Variants in ORC4 observed in about 807,000 individuals in gnomAD.
ORC4 encodes the protein origin recognition complex, subunit 4 homolog.
A neutral mutation model predicts 63.9 loss-of-function variants in ORC4; 55 were observed. That is an observed-to-expected ratio of 0.86 (90% CI 0.69 to 1.08). The LOEUF (loss-of-function observed/expected upper bound fraction) is 1.08. ORC4 is among the 50% of genes least tolerant of loss of function. The pLI is 0.00. For missense variants in ORC4, 511 were observed against 504.4 expected (o/e 1.01, Z -0.13); for synonymous variants, 150 against 168.5 (o/e 0.89, Z 0.85).
chr2:147,948,268 T>C (rs747355598), intron 8 of ORC4, 44 bp from the exon 9 acceptor site: 4 of 1,386,468 alleles, frequency 2.9e-6, no homozygotes, highest in South Asian at 2.4e-5. Context: ...TGAATGTTTT[T>C]AAAAAAACAA....
At chr2:147,953,403 A>G (rs570740624) in intron 7 of ORC4, among the ~76,000 whole-genome samples, 1 of 152,316 alleles carries the variant, frequency 6.6e-6, no homozygotes, top group East Asian at 1.9e-4. Context: ...TATTATTTTT[A>G]TAATTACGTA....
Position 148,013,071 on chromosome 2 carries a change from A to T in ORC4, c.-18+7562T>A, listed in dbSNP as rs150429153. Reference sequence around the variant, plus strand: ...CAACAAATAGAACTATAATCCAGCAATCCCACTACTGTGTATATACCCAAG... The same window carrying T: ...CAACAAATAGAACTATAATCCAGCATTCCCACTACTGTGTATATACCCAAG... On this transcript the variant is annotated intron_variant, in intron 1 of 13. Coordinates refer to ENST00000392857, the MANE Select transcript of ORC4 (RefSeq NM_181741.4). Among the ~76,000 whole-genome samples, 685 of 152,280 alleles carry T rather than the reference A, an allele frequency of 4.5e-3. 4 individuals carry two copies. The highest frequency in any genetic ancestry group is 7.2e-3 in the Non-Finnish European group (492 of 68,002).
At chr2:147,946,570 C>G (rs1688667743) in intron 9 of ORC4, among the ~76,000 whole-genome samples, 2 of 151,962 alleles carry the variant, frequency 1.3e-5, no homozygotes, top group Admixed American at 6.6e-5. Context: ...GAAATAGTAT[C>G]AAAGACACTT....
chr2:147,938,068 T>C, intron 13 of ORC4, 78 bp downstream of exon 13: 1 of 915,262 alleles, frequency 1.1e-6, no homozygotes, highest in Non-Finnish European at 1.8e-6. Flanking sequence ...AAAATGAAAG[T>C]GCAATTTTAA....
intron 1 of ORC4, among the ~76,000 whole-genome samples, chr2:148,012,319 T>C (rs971619607): frequency 6.6e-6 from 1 of 152,182 alleles, no homozygotes; most frequent in African/African-American, 2.4e-5. Context: ...CAATTAGTTT[T>C]TTACTAAGGT....
rs1334739527 is a variant in ORC4 at position 147,931,606 on chromosome 2, C to T, written c.*3904G>A. ...AGCAGCACATCAAAAAGCTTATCCA[C>T]CATGATCAAGTGGGCTTCATCCCTG... On this transcript the variant is annotated 3_prime_UTR_variant, in exon 14 of 14. Transcript: ENST00000392857. 6.6e-6 allele frequency: 1 copy of T among 152,164 alleles called. No individual in the cohort carries two copies. Among genetic ancestry groups the T allele is most frequent in the African/African-American group, 2.4e-5 (1 of 41,428 alleles). The allele number at this position is 152,164 out of a possible 1,614,324, so 9.4% of individuals were successfully genotyped here.
At chr2:148,018,528 A>C (rs1279978919) in intron 1 of ORC4, among the ~76,000 whole-genome samples, 1 of 152,228 alleles carries the variant, frequency 6.6e-6, no homozygotes, top group East Asian at 1.9e-4. Flanking sequence ...AATGTTTATT[A>C]ATATTAGACT....
In ORC4 at chr2:147,932,576, A is replaced by C. The variant is rs557198632; in HGVS notation, c.*2934T>G. 6.6e-6 allele frequency: 1 copy of C among 152,308 alleles called. No individual in the cohort carries two copies. The highest frequency in any genetic ancestry group is 2.1e-4 in the South Asian group (1 of 4,826). 9.4% of individuals were successfully genotyped at this position (152,308 alleles called of 1,614,324 possible). On this transcript the variant is annotated 3_prime_UTR_variant, in exon 14 of 14. Coordinates refer to ENST00000392857, the MANE Select transcript of ORC4 (RefSeq NM_181741.4). ...GTGAGGCTTACACCTTGACAACTGCAAGAATGAGGATAGTGGTGAGTGAAG... is the reference window on the plus strand; with the variant it reads ...GTGAGGCTTACACCTTGACAACTGCCAGAATGAGGATAGTGGTGAGTGAAG...
intron 10 of ORC4, among the ~76,000 whole-genome samples, chr2:147,943,120 A>C (rs1391864632): frequency 1.3e-5 from 2 of 152,136 alleles, no homozygotes; most frequent in East Asian, 3.9e-4. Flanking sequence ...CAAGAAATCA[A>C]ATAAAAGGAG....
intron 1 of ORC4, among the ~76,000 whole-genome samples, chr2:148,007,737 T>C (rs776151872): frequency 7.2e-5 from 11 of 152,102 alleles, no homozygotes; most frequent in Non-Finnish European, 1.0e-4. Context: ...GAACACCAAA[T>C]AGATTCAACC....
intron 1 of ORC4, among the ~76,000 whole-genome samples, chr2:147,991,364 A>T (rs1036279568): frequency 6.6e-6 from 1 of 152,098 alleles, no homozygotes; most frequent in African/African-American, 2.4e-5. Context: ...ATATCTTTTA[A>T]TAAGTGTACT....
chr2:147,993,436 T>C (rs1335042755), intron 1 of ORC4, among the ~76,000 whole-genome samples: 1 of 152,178 alleles, frequency 6.6e-6, no homozygotes, highest in Non-Finnish European at 1.5e-5. Flanking sequence ...GAAATTATCC[T>C]AGAAAAATCT....
In ORC4 at chr2:147,939,239, A is replaced by C; in HGVS notation, c.859T>G (p.Leu287Val). The part of the protein sequence containing the change: ...RSLHMLLMLA[L>V]NRVTASHPFM... ...GGGTGCGATGCTGTTACTCGATTTA[A>C]AGCAAGCATCTAGGGAAAGACAGAT... is the stretch of plus-strand genomic sequence containing the variant. The change falls in exon 11 of 14, where the codon TTA (leucine) becomes GTA (valine). Residue 287 changes from leucine to valine, a missense_variant. By Grantham distance (32) the Leu-to-Val change is conservative. Transcript: ENST00000392857. 1.5e-5 allele frequency: 24 copies of C among 1,608,552 alleles called. No homozygotes were observed. The highest frequency in any genetic ancestry group is 2.0e-5 in the Non-Finnish European group (23 of 1,175,098).
At chr2:147,988,764 T>C (rs931572403) in intron 1 of ORC4, among the ~76,000 whole-genome samples, 2 of 149,528 alleles carry the variant, frequency 1.3e-5, no homozygotes, top group Admixed American at 1.4e-4. Context: ...GTCAACAGCA[T>C]GCTGCTTAGT....
chr2:147,993,681 G>A (rs2105409320), intron 1 of ORC4, among the ~76,000 whole-genome samples: 1 of 152,230 alleles, frequency 6.6e-6, no homozygotes, highest in East Asian at 1.9e-4. Context: ...AGACAGTTGT[G>A]CTTTTTGGGT....
In ORC4 at chr2:147,937,263, C is replaced by T. The variant is rs569686359; in HGVS notation, c.1122+883G>A. On this transcript the variant is annotated intron_variant, in intron 13 of 13. Transcript: ENST00000392857. ...ATCCACTGTTTTAAAAGTTTCTTTC[C>T]TTAAAATCTTCAAGAGCTGCACTGT... 1.1e-4 allele frequency among the ~76,000 whole-genome samples: 17 copies of T among 152,182 alleles called. No homozygotes were observed. In the South Asian group the frequency reaches 2.1e-3, roughly 19 times the overall value.
chr2:147,977,574 T>C (rs1051412111), intron 1 of ORC4, among the ~76,000 whole-genome samples: 4 of 152,066 alleles, frequency 2.6e-5, no homozygotes, highest in Non-Finnish European at 5.9e-5. Flanking sequence ...GAAAAGTCAA[T>C]TGGAGGGCAG....
chr2:147,946,862 A>G (rs1045182802), intron 9 of ORC4, among the ~76,000 whole-genome samples: 5 of 152,052 alleles, frequency 3.3e-5, no homozygotes, highest in Non-Finnish European at 7.4e-5. Context: ...TAATTATTCC[A>G]TAGTAGAAGA....
chr2:147,935,804 T>A, intron 13 of ORC4, 106 bp from the exon 14 acceptor site: 1 of 857,264 alleles, frequency 1.2e-6, no homozygotes, highest in Non-Finnish European at 1.9e-6. Flanking sequence ...CAGAACAGAG[T>A]ACTGGGAAGC....
Sources: allele counts gnomAD v4.1 joint callset (sites outside exome capture counted in the v4.1 genomes callset), GRCh38; gene constraint gnomAD v4.1.1; transcripts MANE v1.5; gene names NCBI Gene and HGNC (gene_info 2026-07-23, HGNC 2026-07-21).